TUSC3: variants seen among roughly 807,000 people sequenced by gnomAD.
TUSC3 encodes dolichyl-diphosphooligosaccharide--protein glycosyltransferase subunit TUSC3.
TUSC3 carries 45 observed loss-of-function variants against 44.8 expected under a neutral mutation model. The observed-to-expected ratio is 1.00, with a 90% confidence interval of 0.79 to 1.29. The LOEUF is 1.29. Ranked by LOEUF, TUSC3 falls within the 50% of genes most tolerant of loss-of-function variation. The pLI is 0.00. For synonymous variants in TUSC3, 212 were observed against 152.9 expected, an observed-to-expected ratio of 1.39 and a Z score of -2.85; for missense variants, 519 against 437.9, an observed-to-expected ratio of 1.19 and a Z score of -1.65.
intron 1 of TUSC3, among the ~76,000 whole-genome samples, chr8:15,478,482 G>C (rs1345023750): frequency 6.6e-6 from 1 of 152,114 alleles, no homozygotes; most frequent in Non-Finnish European, 1.5e-5. Context: ...GTGTGTTCAT[G>C]TGTTCTCATT....
At chr8:15,734,067 A>G (rs1332166847) in intron 7 of TUSC3, among the ~76,000 whole-genome samples, 1 of 152,186 alleles carries the variant, frequency 6.6e-6, no homozygotes, top group African/African-American at 2.4e-5. Context: ...TTTTTCAATA[A>G]TTTCTGATTC....
intron 6 of TUSC3, among the ~76,000 whole-genome samples, chr8:15,687,955 C>A: frequency 6.6e-6 from 1 of 152,010 alleles, no homozygotes; most frequent in Non-Finnish European, 1.5e-5. Context: ...CAAACTTCAT[C>A]TAATACAGTT....
chr8:15,634,456 G>A lies in TUSC3; in HGVS notation c.308+11207G>A, dbSNP rs544474196. Reference sequence around the variant, plus strand: ...ACTGAGCTATGGCCACAGGAGTGGGGCTGAGAGAAACATGAGAGAAAGGGC... The same window carrying A: ...ACTGAGCTATGGCCACAGGAGTGGGACTGAGAGAAACATGAGAGAAAGGGC... On this transcript the variant is annotated intron_variant, in intron 2 of 10. Transcript: ENST00000503731. Among the ~76,000 whole-genome samples, 3 of 152,222 alleles carry A rather than the reference G, an allele frequency of 2.0e-5. No individual in the cohort carries two copies. The South Asian group carries it at 6.2e-4, about 32-fold the overall frequency.
At chr8:15,780,753 G>A in the TUSC3 span, among the ~76,000 whole-genome samples, 5 of 152,072 alleles carry the variant, frequency 3.3e-5, no homozygotes, top group African/African-American at 1.2e-4. Flanking sequence ...GTTTGTGTGG[G>A]CAATGAGCAC....
At position 15,540,446 on chromosome 8, in the gene TUSC3, G is replaced by C; in HGVS notation, c.16G>C (p.Ala6Pro). The change falls in exon 1 of 11, where the codon GCT becomes CCT. Residue 6 changes from alanine to proline, a missense_variant. Transcript: ENST00000503731. MGARG[A>P]PSRRRQAGRR... ...CCCTGCCGCGATGGGGGCCCGGGGC[G>C]CTCCTTCACGCCGTAGGCAAGCGGG... 1.3e-6 allele frequency: 2 copies of C among 1,599,128 alleles called. No homozygotes were observed. The highest frequency in any genetic ancestry group is 1.7e-6 in the Non-Finnish European group (2 of 1,173,970).
chr8:15,670,839 C>G (rs547432761), intron 5 of TUSC3, among the ~76,000 whole-genome samples: 1 of 151,880 alleles, frequency 6.6e-6, no homozygotes, highest in South Asian at 2.1e-4. Context: ...CTTGACAAAA[C>G]AAGAATAAGA....
At chr8:15,695,508 G>A (rs1475313449) in intron 6 of TUSC3, among the ~76,000 whole-genome samples, 1 of 152,144 alleles carries the variant, frequency 6.6e-6, no homozygotes, top group Non-Finnish European at 1.5e-5. Context: ...TGTGAAAACG[G>A]ACTAATACAG....
intron 6 of TUSC3, among the ~76,000 whole-genome samples, chr8:15,678,337 A>G (rs1438115406): frequency 2.0e-5 from 3 of 152,214 alleles, no homozygotes; most frequent in Non-Finnish European, 4.4e-5. Context: ...TTAAGGGCAA[A>G]GAAATATGGG....
intron 5 of TUSC3, among the ~76,000 whole-genome samples, chr8:15,664,924 C>G (rs1202588236): frequency 1.3e-5 from 2 of 151,162 alleles, no homozygotes; most frequent in Non-Finnish European, 3.0e-5. Flanking sequence ...ATTACCATCA[C>G]CACCAAACTT....
At chr8:15,487,106 G>A (rs1459366228) in intron 2 of TUSC3, among the ~76,000 whole-genome samples, 1 of 151,980 alleles carries the variant, frequency 6.6e-6, no homozygotes, top group Non-Finnish European at 1.5e-5. Flanking sequence ...ATTCTTCATT[G>A]CCTATTAAAT....
chr8:15,573,000 C>G (rs887504006), intron 1 of TUSC3, among the ~76,000 whole-genome samples: 1 of 151,852 alleles, frequency 6.6e-6, no homozygotes, highest in Non-Finnish European at 1.5e-5. Context: ...TAGACACTGA[C>G]TGAGCACATG....
intron 3 of TUSC3, among the ~76,000 whole-genome samples, chr8:15,655,286 C>A (rs1382019858): frequency 1.3e-5 from 2 of 152,102 alleles, no homozygotes; most frequent in Non-Finnish European, 2.9e-5. Context: ...AGCATGCGCA[C>A]CAAGAGACAA....
At chr8:15,767,533 A>T (rs989756988), downstream of TUSC3, among the ~76,000 whole-genome samples, 2 of 146,710 alleles carry the variant, frequency 1.4e-5, no homozygotes, top group African/African-American at 5.5e-5. Context: ...TGCTTAAATT[A>T]AAAAAGCAAC....
intron 2 of TUSC3, among the ~76,000 whole-genome samples, chr8:15,642,980 C>CCCCATCA (rs1806449207): frequency 6.6e-6 from 1 of 152,092 alleles, no homozygotes; most frequent in Non-Finnish European, 1.5e-5. Flanking sequence ...TACGGCTTGA[C>CCCCATCA]TGTGTCCCCA....
intron 8 of TUSC3, among the ~76,000 whole-genome samples, chr8:15,746,018 G>T (rs1184194886): frequency 2.0e-5 from 3 of 152,048 alleles, no homozygotes; most frequent in Non-Finnish European, 4.4e-5. Context: ...TGGATAGAGA[G>T]TCCTCTCCCC....
At chr8:15,453,779 C>T (rs907570168) in intron 1 of TUSC3, among the ~76,000 whole-genome samples, 1 of 152,158 alleles carries the variant, frequency 6.6e-6, no homozygotes, top group African/African-American at 2.4e-5. Flanking sequence ...CCCCTACCCA[C>T]AACCAGGAAT....
chr8:15,447,142 C>G (rs187608268), intron 1 of TUSC3, among the ~76,000 whole-genome samples: 1 of 151,690 alleles, frequency 6.6e-6, no homozygotes, highest in African/African-American at 2.4e-5. Flanking sequence ...CTAAATTTAG[C>G]TAAAGACAAA....
chr8:15,607,892 A>C (rs140686172), intron 1 of TUSC3, among the ~76,000 whole-genome samples: 1 of 152,248 alleles, frequency 6.6e-6, no homozygotes, highest in East Asian at 1.9e-4. Context: ...ATATTTGATA[A>C]ATTACTTTGT....
At chr8:15,784,133 A>G in the TUSC3 span, among the ~76,000 whole-genome samples, 2 of 152,186 alleles carry the variant, frequency 1.3e-5, no homozygotes, top group Non-Finnish European at 2.9e-5. Context: ...TGTACAAATT[A>G]AAACCATGAG....
Sources: allele counts gnomAD v4.1 joint callset (sites outside exome capture counted in the v4.1 genomes callset), GRCh38; gene constraint gnomAD v4.1.1; transcripts MANE v1.5; gene names NCBI Gene and HGNC (gene_info 2026-07-23, HGNC 2026-07-21).